The following PIH1D1 variants were observed in gnomAD, a reference collection of about 807,000 sequenced individuals.
PIH1D1 encodes the protein PIH1 domain containing 1.
Under a neutral mutation model 38.5 loss-of-function variants are expected in PIH1D1, and 28 were observed. The ratio of observed to expected loss-of-function variants is 0.73; its 90% confidence interval spans 0.54 to 1.00. The LOEUF (loss-of-function observed/expected upper bound fraction) is 1.00, where lower values mean the gene tolerates loss of function less well. PIH1D1 is among the 50% of genes least tolerant of loss of function. The probability of loss-of-function intolerance (pLI) is 0.00; values close to 1 mark genes in which losing one functional copy is unlikely to be tolerated. For missense variants in PIH1D1, 343 were observed against 369.9 expected (o/e 0.93, Z 0.60); for synonymous variants, 155 against 153.5 (o/e 1.01, Z -0.07).
chr19:49,451,684 C>T lies in PIH1D1; in HGVS notation c.-110G>A. The T allele has an allele frequency of 6.7e-7, 1 of 1,491,476 alleles. No individual in the cohort carries two copies. The highest frequency in any genetic ancestry group is 2.3e-5 in the Admixed American group (1 of 42,554). The allele number at this position is 1,491,476 out of a possible 1,614,324, so 92.4% of individuals were successfully genotyped here. ...GCCCTCAATCGACTCCGGATACCTA[C>T]TATCCTGTTCAAAAACCTAAGACTG... On this transcript the variant is annotated 5_prime_UTR_variant, in exon 1 of 9. Coordinates refer to ENST00000262265, the MANE Select transcript of PIH1D1 (RefSeq NM_017916.3).
At position 49,450,862 on chromosome 19, in the gene PIH1D1, A is replaced by G. The variant is rs2079054204; in HGVS notation, c.91-14T>C. 1.2e-6 allele frequency: 2 copies of G among 1,613,442 alleles called. No individual in the cohort carries two copies. The highest frequency in any genetic ancestry group is 1.7e-6 in the Non-Finnish European group (2 of 1,179,906). ...CTCCTTCGAGGCCTGTATAAAGGAA[A>G]ACTACCTCCAGGCTCGGAGTCTGTG... On this transcript the variant is annotated splice_polypyrimidine_tract_variant and intron_variant, in intron 1 of 8. Transcript: ENST00000262265.
At position 49,449,588 on chromosome 19, in the gene PIH1D1, A is replaced by G. The variant is rs1601003081; in HGVS notation, c.224T>C (p.Ile75Thr). The change falls in exon 3 of 9, where the codon ATC becomes ACC. Residue 75 changes from isoleucine to threonine, a missense_variant. Ile to Thr is a moderately conservative substitution (Grantham distance 89). Transcript: ENST00000262265. ...CTCGGTCACGTCGGCGGGAGGAGGG[A>G]TAGAGGGGGAGTGGCAGATGTTGAT... ...VFINICHSPS[I>T]PPPADVTEEE... 1 of 1,614,066 alleles carries G rather than the reference A, an allele frequency of 6.2e-7. No individual in the cohort carries two copies. Among genetic ancestry groups the G allele is most frequent in the Non-Finnish European group, 8.5e-7 (1 of 1,179,988 alleles).
rs1601007360 is a variant in PIH1D1 at position 49,451,649 on chromosome 19, G to A, written c.-75C>T. On this transcript the variant is annotated 5_prime_UTR_variant, in exon 1 of 9. Transcript: ENST00000262265. Reference sequence around the variant, plus strand: ...CTTTGCCCAGGATCCGAACCCCAGTGCCTGCTCTGGCCCTCAATCGACTCC... The same window carrying A: ...CTTTGCCCAGGATCCGAACCCCAGTACCTGCTCTGGCCCTCAATCGACTCC... 6.3e-7 allele frequency: 1 copy of A among 1,577,196 alleles called. No homozygotes were observed. Among genetic ancestry groups the A allele is most frequent in the Non-Finnish European group, 8.6e-7 (1 of 1,166,214 alleles).
At chr19:49,449,334 A>C in intron 3 of PIH1D1, 141 bp downstream of exon 3, 1 of 825,496 alleles carries the variant, frequency 1.2e-6, no homozygotes, top group Non-Finnish European at 2.0e-6. Flanking sequence ...GGCACTAGAG[A>C]TCTACCATAG....
Position 49,451,665 on chromosome 19 carries a change from A to C in PIH1D1, c.-91T>G. ...AACCCCAGTGCCTGCTCTGGCCCTC[A>C]ATCGACTCCGGATACCTACTATCCT... On this transcript the variant is annotated 5_prime_UTR_variant, in exon 1 of 9. In the 5' UTR this introduces an upstream ATG that the reference lacks. Transcript: ENST00000262265. 1 of 1,552,630 alleles carries C rather than the reference A, an allele frequency of 6.4e-7. No homozygotes were observed. The highest frequency in any genetic ancestry group is 8.7e-7 in the Non-Finnish European group (1 of 1,154,346).
intron 8 of PIH1D1, 62 bp from the exon 9 acceptor site, chr19:49,446,485 C>G (rs2079023227): frequency 5.2e-6 from 8 of 1,536,852 alleles, no homozygotes; most frequent in South Asian, 4.5e-5. Flanking sequence ...CCCAGCCCCC[C>G]TCCCTGGGAG....
intron 3 of PIH1D1, 157 bp from the exon 4 acceptor site, chr19:49,448,219 T>C: frequency 1.4e-6 from 1 of 694,616 alleles, no homozygotes; most frequent in South Asian, 1.7e-5. Context: ...CGCTCTGGAC[T>C]CTCCGCCCAG....
chr19:49,447,758 C>T, intron 5 of PIH1D1, 69 bp downstream of exon 5: 2 of 1,500,546 alleles, frequency 1.3e-6, no homozygotes, highest in Non-Finnish European at 1.9e-6. Flanking sequence ...AGCCCCTCCT[C>T]TCCTAGGGGT....
rs1351269111 is a variant in PIH1D1 at position 49,450,806 on chromosome 19, A to G, written c.133T>C (p.Ser45Pro). 11 of 1,611,848 alleles carry G rather than the reference A, an allele frequency of 6.8e-6. No homozygotes were observed. The highest frequency in any genetic ancestry group is 6.7e-5 in the African/African-American group (5 of 74,366). Residue 45 changes from serine (S) to proline (P), a missense_variant, in exon 2 of 9, where the codon TCG (serine) becomes CCG (proline). Ser to Pro is a moderately conservative substitution (Grantham distance 74, BLOSUM62 -1). Transcript: ENST00000262265. ...LQQAQTTRPE[S>P]TQIQPQPGFC... is the part of the protein sequence containing the mutation. ...CCAGGCTGAGGCTGGATTTGTGTCG[A>G]TTCTGGTCTGGTTGTCTGGGCTTGC...
chr19:49,446,716 G>A (rs752255912), intron 7 of PIH1D1, 22 bp from the exon 8 acceptor site: 1 of 1,535,180 alleles, frequency 6.5e-7, no homozygotes, highest in African/African-American at 1.4e-5. Flanking sequence ...GCGGAATCAG[G>A]TCACCCTCCC....
rs145833297 is a variant in PIH1D1 at position 49,451,549 on chromosome 19, A to C, written c.26T>G (p.Met9Arg). The C allele has an allele frequency of 1.2e-6, 2 of 1,613,604 alleles. No individual in the cohort carries two copies. The highest frequency in any genetic ancestry group is 2.2e-5 in the East Asian group (1 of 44,866). Residue 9 changes from methionine (M) to arginine (R), a missense_variant, in exon 1 of 9, where the codon ATG (methionine) becomes AGG (arginine). Met to Arg is a moderately conservative substitution (Grantham distance 91). Coordinates refer to ENST00000262265, the MANE Select transcript of PIH1D1 (RefSeq NM_017916.3). MANPKLLG[M>R]GLSEAEAIGA... ...GATCGCCTCCGCCTCGCTTAGCCCC[A>C]TTCCCAGCAGCTTCGGGTTCGCCAT...
rs1209165541 is a variant in PIH1D1, at chr19:49,446,378, C to G, written c.*4G>C. ...CATCTCAGAAGCACAAGGAGACACC[C>G]TGATCAAGAAGGCACCGGCAGAAGC... On this transcript the variant is annotated 3_prime_UTR_variant, in exon 9 of 9. Coordinates refer to ENST00000262265, the MANE Select transcript of PIH1D1 (RefSeq NM_017916.3). The G allele has an allele frequency of 1.2e-6, 1 of 811,048 alleles. No homozygotes were observed. Among genetic ancestry groups the G allele is most frequent in the Non-Finnish European group, 2.2e-6 (1 of 445,604 alleles). 50.2% of individuals were successfully genotyped at this position (811,048 alleles called of 1,614,324 possible). A position where few individuals can be genotyped will look rare whatever the true frequency, so the allele number is the denominator to read the frequency against.
At position 49,449,306 on chromosome 19, in the gene PIH1D1, C is replaced by G. The variant is rs578195865; in HGVS notation, c.337+169G>C. The G allele has an allele frequency of 9.0e-5, 67 of 744,834 alleles. No individual in the cohort carries two copies. The South Asian group carries it at 9.1e-4, about 10-fold the overall frequency. The allele number at this position is 744,834 out of a possible 1,614,324, so 46.1% of individuals were successfully genotyped here. A position where few individuals can be genotyped will look rare whatever the true frequency, so the allele number is the denominator to read the frequency against. The stretch of plus-strand genomic sequence containing the variant: ...GCCAGGTGGCAGAACCAGGACTGCC[C>G]GGGTGTGGGATGTCCAGGGCACTAG... On this transcript the variant is annotated intron_variant, in intron 3 of 8. Coordinates refer to ENST00000262265, the MANE Select transcript of PIH1D1 (RefSeq NM_017916.3).
chr19:49,447,566 C>T (rs2079032060), intron 5 of PIH1D1, 99 bp from the exon 6 acceptor site: 2 of 1,453,832 alleles, frequency 1.4e-6, no homozygotes, highest in Non-Finnish European at 1.9e-6. Context: ...CACCAGGACT[C>T]TTGGGGTCTG....
At position 49,446,597 on chromosome 19, in the gene PIH1D1, T is replaced by A; in HGVS notation, c.785A>T (p.Gln262Leu). Residue 262 changes from glutamine to leucine, a missense_variant, in exon 8 of 9, where the codon CAG (glutamine) becomes CTG (leucine). Transcript: ENST00000262265. The part of the protein sequence containing the change: ...LYHLDAYIPL[Q>L]INSHESKAAF... ...TGCCTTGCTCTCATGAGAGTTGATC[T>A]GCAGCGGGATATAAGCGTCTAGATG... 1 of 1,614,008 alleles carries A rather than the reference T, an allele frequency of 6.2e-7. No individual in the cohort carries two copies. Among genetic ancestry groups the A allele is most frequent in the Non-Finnish European group, 8.5e-7 (1 of 1,179,974 alleles).
Position 49,450,812 on chromosome 19 carries a change from G to C in PIH1D1, c.127C>G (p.Pro43Ala), listed in dbSNP as rs1355344600. 1.2e-6 allele frequency: 2 copies of C among 1,612,812 alleles called. No individual in the cohort carries two copies. The highest frequency in any genetic ancestry group is 2.7e-5 in the African/African-American group (2 of 74,720). ...TGAGGCTGGATTTGTGTCGATTCTGGTCTGGTTGTCTGGGCTTGCTGGAGC... is the reference window on the plus strand; with the variant it reads ...TGAGGCTGGATTTGTGTCGATTCTGCTCTGGTTGTCTGGGCTTGCTGGAGC... ...KELQQAQTTRPESTQIQPQPG... is the reference protein window; with the variant it reads ...KELQQAQTTRAESTQIQPQPG... Residue 43 changes from proline to alanine, a missense_variant, in exon 2 of 9, where the codon CCA becomes GCA. Coordinates refer to ENST00000262265, the MANE Select transcript of PIH1D1 (RefSeq NM_017916.3).
rs17844886 is a variant in PIH1D1 at position 49,447,040 on chromosome 19, A to G, written c.671T>C (p.Val224Ala). The G allele has an allele frequency of 1.2e-6, 2 of 1,613,634 alleles. No individual in the cohort carries two copies. Among genetic ancestry groups the G allele is most frequent in the East Asian group, 4.5e-5 (2 of 44,866 alleles). Residue 224 changes from valine (V) to alanine (A), a missense_variant, in exon 7 of 9, where the codon GTT (valine) becomes GCT (alanine). Transcript: ENST00000262265. Reference sequence around the variant, plus strand: ...AAAACTCACCAGTTTGGGGAGGTCAACTTCGGCCAAGAGGAGGTCGGGGGC... The same window carrying G: ...AAAACTCACCAGTTTGGGGAGGTCAGCTTCGGCCAAGAGGAGGTCGGGGGC... ...LEAPDLLLAE[V>A]DLPKLDGALG...
chr19:49,449,735 T>A, intron 2 of PIH1D1, 81 bp from the exon 3 acceptor site: 1 of 1,241,890 alleles, frequency 8.1e-7, no homozygotes, highest in Non-Finnish European at 1.1e-6. Flanking sequence ...CTCTGTCTCT[T>A]TTCCTTTTGC....
At chr19:49,448,164 A>G (rs1407585316) in intron 3 of PIH1D1, 102 bp from the exon 4 acceptor site, 4 of 1,173,972 alleles carry the variant, frequency 3.4e-6, no homozygotes, top group Non-Finnish European at 3.7e-6. Context: ...CGGCCGTAAG[A>G]AGCAGAGAGA....
Sources: gnomAD v4.1 joint callset for allele counts on GRCh38, gnomAD v4.1.1 for gene constraint, MANE v1.5 for transcripts, NCBI Gene and HGNC (gene_info 2026-07-23, HGNC 2026-07-21) for gene names.